Variants in MARCHF4 observed in about 807,000 individuals in gnomAD.
MARCHF4 encodes membrane associated ring-CH-type finger 4.
In MARCHF4, 14 loss-of-function variants were observed where a neutral mutation model predicts 43.9. The observed-to-expected ratio is 0.32, with a 90% CI of 0.21 to 0.50. The LOEUF (loss-of-function observed/expected upper bound fraction) is 0.50, where lower values mean the gene tolerates loss of function less well. Among genes scored for constraint, MARCHF4 ranks in the 20% least tolerant of loss-of-function variants. The pLI is 0.98. For synonymous variants in MARCHF4, 226 were observed against 213.3 expected, an observed-to-expected ratio of 1.06 and a Z score of -0.52; for missense variants, 468 against 536.7, an observed-to-expected ratio of 0.87 and a Z score of 1.27.
intron 1 of MARCHF4, among the ~76,000 whole-genome samples, chr2:216,322,102 T>A (rs1294095731): frequency 6.6e-6 from 1 of 152,176 alleles, no homozygotes; most frequent in Non-Finnish European, 1.5e-5. Flanking sequence ...GGGATGTGTG[T>A]GTGTGTGTGT....
At chr2:216,363,028 C>A (rs1028491517) in intron 1 of MARCHF4, among the ~76,000 whole-genome samples, 1 of 152,150 alleles carries the variant, frequency 6.6e-6, no homozygotes, top group Admixed American at 6.5e-5. Context: ...TCCTCTCCCT[C>A]CCCCATCTCA....
intron 3 of MARCHF4, among the ~76,000 whole-genome samples, chr2:216,263,297 C>T (rs1690772652): frequency 6.6e-6 from 1 of 152,020 alleles, no homozygotes; most frequent in Non-Finnish European, 1.5e-5. Flanking sequence ...TATGGTGACA[C>T]GCGCCTGTAA....
chr2:216,322,287 C>G lies in MARCHF4; in HGVS notation c.517-38558G>C. ...TCATTAGGAGAGAAGAAAATTAAAA[C>G]CAGACGATTGGCCCACTGGTGATAA... On this transcript the variant is annotated intron_variant, in intron 1 of 3. Coordinates refer to ENST00000273067, the MANE Select transcript of MARCHF4 (RefSeq NM_020814.3). Among the ~76,000 whole-genome samples, 2 of 152,188 alleles carry G rather than the reference C, an allele frequency of 1.3e-5. 1 individual carries two copies. The highest frequency in any genetic ancestry group is 2.9e-5 in the Non-Finnish European group (2 of 68,040).
rs747110519 is a variant in MARCHF4, at chr2:216,370,301, G to A, written c.-41C>T. ...AGAGAGCCCAAGAGGGGTGGCTGGA[G>A]TCTTAAAAGAGGGGGACAGGACAGG... On this transcript the variant is annotated 5_prime_UTR_variant, in exon 1 of 4. Coordinates refer to ENST00000273067, the MANE Select transcript of MARCHF4 (RefSeq NM_020814.3). The A allele has an allele frequency of 4.8e-5, 73 of 1,530,092 alleles. No homozygotes were observed. The highest frequency in any genetic ancestry group is 6.2e-5 in the Non-Finnish European group (71 of 1,136,464). 94.8% of individuals were successfully genotyped at this position (1,530,092 alleles called of 1,614,324 possible). A position where few individuals can be genotyped will look rare whatever the true frequency, so the allele number is the denominator to read the frequency against.
chr2:216,343,325 T>C (rs1273570827), intron 1 of MARCHF4, among the ~76,000 whole-genome samples: 2 of 152,218 alleles, frequency 1.3e-5, no homozygotes, highest in East Asian at 3.9e-4. Flanking sequence ...GAGACCTGTC[T>C]TTCTAGCTTG....
At chr2:216,281,017 T>C (rs1691117560) in intron 2 of MARCHF4, among the ~76,000 whole-genome samples, 1 of 151,300 alleles carries the variant, frequency 6.6e-6, no homozygotes, top group African/African-American at 2.4e-5. Flanking sequence ...GCTGAGATGA[T>C]GCCCCATGTG....
chr2:216,279,890 G>C (rs1046608847), intron 2 of MARCHF4, among the ~76,000 whole-genome samples: 1 of 152,166 alleles, frequency 6.6e-6, no homozygotes, highest in Non-Finnish European at 1.5e-5. Context: ...CTCCTGCCTG[G>C]AAAGAGGGCT....
intron 3 of MARCHF4, among the ~76,000 whole-genome samples, chr2:216,267,387 G>A (rs1049734198): frequency 3.3e-5 from 5 of 152,176 alleles, no homozygotes; most frequent in Non-Finnish European, 5.9e-5. Context: ...GTGCAAGGCT[G>A]GGGCAGAAGA....
rs1328244162 is a variant in MARCHF4 at position 216,349,602 on chromosome 2, C to T, written c.516+20143G>A. On this transcript the variant is annotated intron_variant, in intron 1 of 3. Coordinates refer to ENST00000273067, the MANE Select transcript of MARCHF4 (RefSeq NM_020814.3). ...GCTTTATGGAGAAGGTGACATGTGA[C>T]AGGCTAGGGCTTGGAGGAGGCTGGG... Among the ~76,000 whole-genome samples the T allele has an allele frequency of 2.5e-4, 38 of 152,126 alleles. 2 individuals are homozygous for T. Among genetic ancestry groups the T allele is most frequent in the Admixed American group, 2.5e-3 (38 of 15,276 alleles).
chr2:216,337,452 G>A (rs1692175945), intron 1 of MARCHF4, among the ~76,000 whole-genome samples: 1 of 152,172 alleles, frequency 6.6e-6, no homozygotes, highest in Admixed American at 6.5e-5. Flanking sequence ...ATGTGACTGA[G>A]TGGATAAACT....
intron 3 of MARCHF4, among the ~76,000 whole-genome samples, chr2:216,273,097 T>C (rs1383767115): frequency 1.3e-5 from 2 of 152,188 alleles, no homozygotes; most frequent in African/African-American, 4.8e-5. Context: ...TCCTCCTGGG[T>C]TCCTGGCAGG....
In MARCHF4 at chr2:216,315,106, A is replaced by C. The variant is rs544426980; in HGVS notation, c.517-31377T>G. 1.6e-4 allele frequency among the ~76,000 whole-genome samples: 25 copies of C among 152,306 alleles called. No homozygotes were observed. In the South Asian group the frequency reaches 5.2e-3, roughly 32 times the overall value. The stretch of plus-strand genomic sequence containing the variant: ...AAAACTAAATATCAGAAAATTTAAT[A>C]CTCCCAAAGAAGGGGAAAAAGGTCA... On this transcript the variant is annotated intron_variant, in intron 1 of 3. Coordinates refer to ENST00000273067, the MANE Select transcript of MARCHF4 (RefSeq NM_020814.3).
intron 1 of MARCHF4, among the ~76,000 whole-genome samples, chr2:216,297,409 T>C (rs1691413813): frequency 6.6e-6 from 1 of 152,144 alleles, no homozygotes; most frequent in Admixed American, 6.5e-5. Context: ...CCAAAGCTCA[T>C]AGAACAGCCC....
chr2:216,322,482 C>A (rs1291037914), intron 1 of MARCHF4, among the ~76,000 whole-genome samples: 2 of 152,218 alleles, frequency 1.3e-5, no homozygotes, highest in African/African-American at 4.8e-5. Flanking sequence ...TGTGCATACA[C>A]ACTTTTGCTG....
At chr2:216,277,594 T>C (rs1166572513) in intron 3 of MARCHF4, 78 bp downstream of exon 3, 13 of 1,423,812 alleles carry the variant, frequency 9.1e-6, no homozygotes, top group Non-Finnish European at 1.2e-5. Flanking sequence ...CCTCCCACAG[T>C]GGGGGATCCT....
intron 1 of MARCHF4, among the ~76,000 whole-genome samples, chr2:216,316,010 T>C (rs1251872392): frequency 6.6e-6 from 1 of 152,206 alleles, no homozygotes; most frequent in East Asian, 1.9e-4. Context: ...CATCAGGGTC[T>C]TTCTATCCCT....
At chr2:216,277,949 C>T (rs1001860709) in intron 2 of MARCHF4, 85 bp from the exon 3 acceptor site, 22 of 1,289,306 alleles carry the variant, frequency 1.7e-5, no homozygotes, top group African/African-American at 3.0e-5. Context: ...GCTCCAACAG[C>T]TCACCTCTGA....
chr2:216,277,974 C>T (rs1439203082), intron 2 of MARCHF4, 110 bp from the exon 3 acceptor site: 2 of 1,006,852 alleles, frequency 2.0e-6, no homozygotes, highest in South Asian at 3.8e-5. Context: ...GGATTTAAGC[C>T]AGGGCTTTCC....
intron 1 of MARCHF4, among the ~76,000 whole-genome samples, chr2:216,364,404 C>T (rs1692633784): frequency 6.6e-6 from 1 of 152,144 alleles, no homozygotes; most frequent in Admixed American, 6.5e-5. Flanking sequence ...CTTTGCAGTG[C>T]TCCCCTTAGA....
Sources: allele counts gnomAD v4.1 joint callset (sites outside exome capture counted in the v4.1 genomes callset), GRCh38; gene constraint gnomAD v4.1.1; transcripts MANE v1.5; gene names NCBI Gene and HGNC (gene_info 2026-07-23, HGNC 2026-07-21).